Variants in MORC3 observed in about 807,000 individuals in gnomAD.
MORC3 encodes the protein MORC family CW-type zinc finger 3.
In MORC3, 31 loss-of-function variants were observed where a neutral mutation model predicts 109.1. That is an observed-to-expected ratio of 0.28 (90% CI 0.21 to 0.38). The LOEUF is 0.38. MORC3 is among the 10% of genes least tolerant of loss of function. MORC3 has a pLI of 1.00. For missense variants in MORC3, 867 were observed against 1,135.8 expected, an observed-to-expected ratio of 0.76 and a Z score of 3.40; for synonymous variants, 395 against 380.7, an observed-to-expected ratio of 1.04 and a Z score of -0.44.
rs1202729285 is a variant in MORC3, at chr21:36,353,755, A to ATTTTTTTTTTTTTTTTTTTTT, written c.1104-2863_1104-2843dup. Among the ~76,000 whole-genome samples, 15 of 71,002 alleles carry ATTTTTTTTTTTTTTTTTTTTT rather than the reference A, an allele frequency of 2.1e-4. 2 individuals carry two copies. The highest frequency in any genetic ancestry group is 1.4e-3 in the South Asian group (2 of 1,458). The allele number at this position is 71,002 out of a possible 152,430, so 46.6% of individuals were successfully genotyped here. A position where few individuals can be genotyped will look rare whatever the true frequency, so the allele number is the denominator to read the frequency against. ...GCCACCAAGCCCGGCTAATTTTTGT[A>ATTTTTTTTTTTTTTTTTTTTT]TTTTTTTTTTTTTTTTTTTTTTAGT... On this transcript the variant is annotated intron_variant, in intron 9 of 16. Transcript: ENST00000400485.
Position 36,362,941 on chromosome 21 carries a change from C to T in MORC3, c.1452+713C>T, listed in dbSNP as rs140261433. 2.2e-3 allele frequency among the ~76,000 whole-genome samples: 339 copies of T among 152,030 alleles called. 1 individual carries two copies. Among genetic ancestry groups the T allele is most frequent in the African/African-American group, 7.5e-3 (312 of 41,460 alleles). Reference sequence around the variant, plus strand: ...TAGATAAGCAGTTAAGGAAGACATCCCAGGAACACCCAGGAAGCCATATTT... The same window carrying T: ...TAGATAAGCAGTTAAGGAAGACATCTCAGGAACACCCAGGAAGCCATATTT... On this transcript the variant is annotated intron_variant, in intron 13 of 16. Transcript: ENST00000400485.
intron 1 of MORC3, among the ~76,000 whole-genome samples, chr21:36,327,875 T>G (rs548447008): frequency 9.3e-5 from 14 of 151,318 alleles, no homozygotes; most frequent in African/African-American, 3.4e-4. Flanking sequence ...AGTGGCCTCC[T>G]TTTTTGTTTT....
intron 1 of MORC3, among the ~76,000 whole-genome samples, chr21:36,331,132 G>C (rs901838948): frequency 2.6e-5 from 4 of 151,612 alleles, no homozygotes; most frequent in African/African-American, 9.8e-5. Flanking sequence ...GAGCACTACA[G>C]ATGTGGTTGG....
intron 13 of MORC3, 93 bp from the exon 14 acceptor site, chr21:36,364,000 G>C: frequency 7.4e-7 from 1 of 1,346,616 alleles, no homozygotes; most frequent in African/African-American, 1.5e-5. Flanking sequence ...TGTGTCTTCT[G>C]GGATAAGGGG....
chr21:36,357,673 T>C (rs1305214604), intron 10 of MORC3, among the ~76,000 whole-genome samples: 2 of 151,990 alleles, frequency 1.3e-5, no homozygotes, highest in African/African-American at 2.4e-5. Context: ...TATAAAGTTA[T>C]GCTTTATAAA....
intron 4 of MORC3, among the ~76,000 whole-genome samples, chr21:36,338,284 T>G (rs1169862280): frequency 6.6e-6 from 1 of 152,232 alleles, no homozygotes; most frequent in Non-Finnish European, 1.5e-5. Flanking sequence ...GAAAATGCCT[T>G]TTGTATGAAC....
At chr21:36,374,597 C>T (rs2085908173) in intron 16 of MORC3, among the ~76,000 whole-genome samples, 1 of 152,062 alleles carries the variant, frequency 6.6e-6, no homozygotes, top group Non-Finnish European at 1.5e-5. Context: ...TTGAGACCAG[C>T]CTGGGCAATA....
At chr21:36,371,221 A>G (rs2146343830) in intron 15 of MORC3, among the ~76,000 whole-genome samples, 1 of 152,292 alleles carries the variant, frequency 6.6e-6, no homozygotes, top group African/African-American at 2.4e-5. Context: ...AGAGTTTGGG[A>G]ACCATGGTGT....
intron 10 of MORC3, among the ~76,000 whole-genome samples, chr21:36,357,358 TAATG>T (rs2085656511): frequency 6.6e-6 from 1 of 152,258 alleles, no homozygotes; most frequent in African/African-American, 2.4e-5. Context: ...CCAAGATATA[TAATG>T]AAAAACAAGA....
intron 12 of MORC3, among the ~76,000 whole-genome samples, chr21:36,361,268 G>T (rs2085711483): frequency 6.6e-6 from 1 of 151,964 alleles, no homozygotes; most frequent in Admixed American, 6.6e-5. Flanking sequence ...ATGTGGGCTG[G>T]TGTGGTGGCT....
intron 13 of MORC3, 34 bp from the exon 14 acceptor site, chr21:36,364,059 G>A (rs767745676): frequency 6.3e-7 from 1 of 1,593,738 alleles, no homozygotes; most frequent in South Asian, 1.1e-5. Flanking sequence ...ACTAGAAATA[G>A]TTCCTTTAAG....
At chr21:36,372,602 C>A in intron 16 of MORC3, 71 bp downstream of exon 16, 2 of 1,414,732 alleles carry the variant, frequency 1.4e-6, no homozygotes, top group Non-Finnish European at 1.9e-6. Flanking sequence ...TATCTGCTAG[C>A]ACCCATCAAA....
intron 5 of MORC3, chr21:36,339,174 C>T (rs1442641413): frequency 7.3e-6 from 2 of 272,956 alleles, no homozygotes; most frequent in Middle Eastern, 1.2e-3. Context: ...GGCTGGAATG[C>T]GATGGCGCAA....
chr21:36,370,184 G>A (rs1361393866), intron 15 of MORC3, among the ~76,000 whole-genome samples: 4 of 152,146 alleles, frequency 2.6e-5, no homozygotes, highest in Non-Finnish European at 5.9e-5. Context: ...TTCCAGCCTG[G>A]GCAACAGAGC....
At chr21:36,346,523 C>G (rs1347351891) in intron 8 of MORC3, among the ~76,000 whole-genome samples, 4 of 151,888 alleles carry the variant, frequency 2.6e-5, no homozygotes, top group Non-Finnish European at 5.9e-5. Context: ...AAGTCTCTAC[C>G]TCAGCTGAGT....
chr21:36,337,832 A>T lies in MORC3; in HGVS notation c.346A>T (p.Ile116Phe). Residue 116 changes from isoleucine (I) to phenylalanine (F), a missense_variant, in exon 4 of 17, where the codon ATC becomes TTC. Ile to Phe is a conservative substitution (Grantham distance 21). This residue lies in a region of MORC3 where 134 missense variants were observed against 166.6 expected (regional missense o/e 0.80). Transcript: ENST00000400485. ...TTCTATGCGTCTGGGTAAAGACGCA[A>T]TCGTTTTTACCAAAAATGGAGAAAG... ...SGSMRLGKDA[I>F]VFTKNGESMS... is the part of the protein sequence containing the mutation. 1 of 1,614,190 alleles carries T rather than the reference A, an allele frequency of 6.2e-7. No individual in the cohort carries two copies. Among genetic ancestry groups the T allele is most frequent in the Non-Finnish European group, 8.5e-7 (1 of 1,180,026 alleles).
chr21:36,340,277 C>CAA (rs1346689464), intron 5 of MORC3, among the ~76,000 whole-genome samples: 7,108 of 90,074 alleles, frequency 0.079, 450 homozygotes, highest in East Asian at 0.33. Context: ...GACTCTGTCT[C>CAA]AAAAAAAAAA....
At chr21:36,350,034 G>C (rs546628826) in intron 9 of MORC3, among the ~76,000 whole-genome samples, 1 of 152,316 alleles carries the variant, frequency 6.6e-6, no homozygotes, top group South Asian at 2.1e-4. Flanking sequence ...GCCAGGTGCA[G>C]TGGCTCTTTC....
intron 8 of MORC3, among the ~76,000 whole-genome samples, chr21:36,347,024 A>C (rs946997453): frequency 2.0e-5 from 3 of 151,216 alleles, no homozygotes; most frequent in East Asian, 1.9e-4. Flanking sequence ...AAAAAAAAAA[A>C]AACAAAGAAA....
Sources: gnomAD v4.1 joint callset for allele counts (sites outside exome capture counted in the v4.1 genomes callset) on GRCh38, gnomAD v4.1.1 for gene constraint, gnomAD v4.1.1 regional missense constraint, MANE v1.5 for transcripts, NCBI Gene and HGNC (gene_info 2026-07-23, HGNC 2026-07-21) for gene names.